LOC400499: variants seen among roughly 807,000 people sequenced by gnomAD.
the LOC400499 span, chr16:11,384,811 C>T: frequency 6.7e-5 from 80 of 1,201,322 alleles, no homozygotes; most frequent in Middle Eastern, 3.1e-4. Context: ...AGCCCCCTGC[C>T]GCCCTGGAAG....
chr16:11,517,330 C>T, the LOC400499 span, among the ~76,000 whole-genome samples: 1 of 152,176 alleles, frequency 6.6e-6, no homozygotes, highest in Non-Finnish European at 1.5e-5. Flanking sequence ...TTTCATTCCA[C>T]GATGCCCCTG....
chr16:11,504,127 G>T, the LOC400499 span, among the ~76,000 whole-genome samples: 1 of 152,290 alleles, frequency 6.6e-6, no homozygotes, highest in Non-Finnish European at 1.5e-5. Flanking sequence ...TTCAGATCCA[G>T]GCACGACAGG....
the LOC400499 span, among the ~76,000 whole-genome samples, chr16:11,414,905 A>C: frequency 6.6e-6 from 1 of 152,102 alleles, no homozygotes. Context: ...CTTACTTATT[A>C]GGTTCCTGCT....
chr16:11,399,965 G>A, the LOC400499 span: 53 of 397,256 alleles, frequency 1.3e-4, no homozygotes, highest in Non-Finnish European at 4.4e-6. Context: ...ATCCCTAGAG[G>A]AACTAGGATG....
chr16:11,437,433 C>T, the LOC400499 span, among the ~76,000 whole-genome samples: 4 of 152,182 alleles, frequency 2.6e-5, no homozygotes, highest in Non-Finnish European at 4.4e-5. Context: ...GTGGCATGCA[C>T]CTGTAGTCCC....
At chr16:11,476,924 G>A in the LOC400499 span, 1 of 399,142 alleles carries the variant, frequency 2.5e-6, no homozygotes, top group Non-Finnish European at 4.4e-6. Context: ...GTGCCCATCT[G>A]AGCTGAGATC....
chr16:11,444,722 C>A, the LOC400499 span, among the ~76,000 whole-genome samples: 2 of 152,260 alleles, frequency 1.3e-5, no homozygotes, highest in East Asian at 1.9e-4. Context: ...CCTGTGGCTA[C>A]GGTGGTAAAG....
At chr16:11,450,749 C>T in the LOC400499 span, 1 of 1,536,140 alleles carries the variant, frequency 6.5e-7, no homozygotes. Flanking sequence ...GCCTGGAACA[C>T]AGCTCGGTGT....
At chr16:11,436,045 T>C in the LOC400499 span, among the ~76,000 whole-genome samples, 1 of 151,956 alleles carries the variant, frequency 6.6e-6, no homozygotes, top group Non-Finnish European at 1.5e-5. Context: ...GAGGGAGGAA[T>C]GGGGGAGATA....
the LOC400499 span, among the ~76,000 whole-genome samples, chr16:11,512,406 C>T: frequency 2.0e-5 from 3 of 152,164 alleles, no homozygotes; most frequent in East Asian, 3.9e-4. Context: ...AGTTTGAGAC[C>T]AGCCTGGCCA....
chr16:11,398,177 G>C, the LOC400499 span, among the ~76,000 whole-genome samples: 271 of 152,306 alleles, frequency 1.8e-3, no homozygotes, highest in African/African-American at 5.8e-3. Context: ...CAGAGGCTCA[G>C]AGAGGAGATG....
chr16:11,496,670 G>T, the LOC400499 span, among the ~76,000 whole-genome samples: 4 of 152,084 alleles, frequency 2.6e-5, no homozygotes, highest in African/African-American at 9.7e-5. Flanking sequence ...GTCCAGGTGC[G>T]TGTGTGTGTA....
At chr16:11,497,443 C>G in the LOC400499 span, among the ~76,000 whole-genome samples, 1 of 152,220 alleles carries the variant, frequency 6.6e-6, no homozygotes, top group African/African-American at 2.4e-5. Flanking sequence ...AGAAGCTCTC[C>G]GGCACATGGG....
At chr16:11,447,302 G>A in the LOC400499 span, among the ~76,000 whole-genome samples, 1 of 152,142 alleles carries the variant, frequency 6.6e-6, no homozygotes, top group Non-Finnish European at 1.5e-5. Context: ...TAAAACGGAG[G>A]CTAAAATAAT....
chr16:11,379,449 C>T, the LOC400499 span, among the ~76,000 whole-genome samples: 3 of 152,202 alleles, frequency 2.0e-5, no homozygotes. Context: ...TCGATTTTGT[C>T]TGATATTAGT....
the LOC400499 span, among the ~76,000 whole-genome samples, chr16:11,401,883 C>T: frequency 6.6e-6 from 1 of 152,348 alleles, no homozygotes; most frequent in Non-Finnish European, 1.5e-5. Context: ...TGCTGCCCCC[C>T]CAGTGCCTTT....
At chr16:11,442,740 G>C in the LOC400499 span, among the ~76,000 whole-genome samples, 1 of 152,182 alleles carries the variant, frequency 6.6e-6, no homozygotes, top group African/African-American at 2.4e-5. Flanking sequence ...TAAATGCTAA[G>C]CAGACCAAAC....
chr16:11,384,297 A>C, the LOC400499 span: 2 of 1,232,378 alleles, frequency 1.6e-6, no homozygotes, highest in Non-Finnish European at 2.0e-6. Flanking sequence ...CTTCATTGTC[A>C]TTGGTGCCCA....
At chr16:11,460,553 C>G in the LOC400499 span, 1 of 1,535,618 alleles carries the variant, frequency 6.5e-7, no homozygotes, top group Non-Finnish European at 8.7e-7. Context: ...GTCTGAGCCA[C>G]TGTCTGCCCG....
Sources: allele counts gnomAD v4.1 joint callset (sites outside exome capture counted in the v4.1 genomes callset), GRCh38; gene constraint gnomAD v4.1.1; transcripts MANE v1.5.